Variants in SPATA17 observed in about 807,000 individuals in gnomAD.
The protein encoded by SPATA17 is spermatogenesis-associated protein 17.
In SPATA17, 53 loss-of-function variants were observed where a neutral mutation model predicts 62.2. The observed-to-expected ratio is 0.85, with a 90% CI of 0.68 to 1.07. SPATA17 has a LOEUF of 1.07. Among genes scored for constraint, SPATA17 ranks in the 50% least tolerant of loss-of-function variants. The probability of loss-of-function intolerance (pLI) is 0.00; values close to 1 mark genes in which losing one functional copy is unlikely to be tolerated. For synonymous variants in SPATA17, 146 were observed against 146.8 expected (o/e 0.99, Z 0.04); for missense variants, 466 against 425.5 (o/e 1.10, Z -0.84).
rs913659017 is a variant in SPATA17, at chr1:217,831,497, G to A, written c.1005+29647G>A. Among the ~76,000 whole-genome samples, 12 of 151,974 alleles carry A rather than the reference G, an allele frequency of 7.9e-5. No individual in the cohort carries two copies. In the East Asian group the frequency reaches 2.3e-3, roughly 29 times the overall value. On this transcript the variant is annotated intron_variant, in intron 9 of 10. Coordinates refer to ENST00000366933, the MANE Select transcript of SPATA17 (RefSeq NM_138796.4). ...TCATTTTCTCTATCTCCTTCCTTAG[G>A]AATGCCTCTCCTAACTGCATCTTGC... is the stretch of plus-strand genomic sequence containing the variant.
Position 217,669,025 on chromosome 1 carries a change from A to G in SPATA17, c.241-8A>G, listed in dbSNP as rs768707874. 4.3e-6 allele frequency: 7 copies of G among 1,609,938 alleles called. No homozygotes were observed. The highest frequency in any genetic ancestry group is 5.9e-6 in the Non-Finnish European group (7 of 1,178,294). ...AAATGCATGCCATCTTTTTTTCTTG[A>G]TTCACAGGTAGCATATTATACTATG... On this transcript the variant is annotated splice_region_variant and splice_polypyrimidine_tract_variant and intron_variant, in intron 3 of 10. Transcript: ENST00000366933.
chr1:217,781,505 C>T (rs1673725412), intron 7 of SPATA17, among the ~76,000 whole-genome samples: 1 of 152,122 alleles, frequency 6.6e-6, no homozygotes, highest in Non-Finnish European at 1.5e-5. Context: ...AACTTGAAAG[C>T]AGGATATGTT....
At chr1:217,678,205 C>CTATTTTTTT (rs1670997146) in intron 4 of SPATA17, among the ~76,000 whole-genome samples, 4 of 107,552 alleles carry the variant, frequency 3.7e-5, no homozygotes, top group Non-Finnish European at 3.9e-5. Context: ...CTTTTCTTTT[C>CTATTTTTTT]TTTTTTTTTT....
intron 8 of SPATA17, among the ~76,000 whole-genome samples, chr1:217,791,257 A>C (rs551397102): frequency 6.6e-5 from 10 of 152,328 alleles, no homozygotes; most frequent in Non-Finnish European, 1.3e-4. Flanking sequence ...GGGCACAGTT[A>C]AGCATGATTA....
intron 5 of SPATA17, among the ~76,000 whole-genome samples, chr1:217,733,643 A>G (rs1672446654): frequency 6.6e-6 from 1 of 152,244 alleles, no homozygotes. Flanking sequence ...ATATTTGTGA[A>G]TACCTGCTTG....
intron 5 of SPATA17, among the ~76,000 whole-genome samples, chr1:217,704,805 T>C (rs1671695236): frequency 6.6e-6 from 1 of 152,198 alleles, no homozygotes; most frequent in South Asian, 2.1e-4. Context: ...AGTATACCAC[T>C]GATGGGCATC....
chr1:217,683,273 C>A lies in SPATA17; in HGVS notation c.307C>A (p.Arg103=), dbSNP rs780932192. The change falls in exon 5 of 11, where the codon CGA becomes AGA. Residue 103 remains arginine, a synonymous_variant. Transcript: ENST00000366933. ...AMAVRIQRRW[R]GYRVRKYLFN... is the part of the protein sequence containing the mutation. ...ACTTTAATAGATTCAGAGACGATGG[C>A]GAGGCTATAGGGTTCGGAAGTACCT... 3 of 1,601,602 alleles carry A rather than the reference C, an allele frequency of 1.9e-6. No individual in the cohort carries two copies. The highest frequency in any genetic ancestry group is 1.1e-5 in the South Asian group (1 of 89,014).
intron 8 of SPATA17, among the ~76,000 whole-genome samples, chr1:217,790,046 A>C (rs1024228164): frequency 6.6e-6 from 1 of 152,210 alleles, no homozygotes; most frequent in Non-Finnish European, 1.5e-5. Flanking sequence ...TCAAAATTTA[A>C]AAAAGTAAAA....
chr1:217,801,741 A>G lies in SPATA17; in HGVS notation c.896A>G (p.His299Arg), dbSNP rs549452959. ...AGGTTTTTGCCATTTTCTTCATACC[A>G]TAAAAATGAAAAGTACATCCCATCA... ...DNMFLPFSSY[H>R]KNEKYIPSMH... The change falls in exon 9 of 11, where the codon CAT becomes CGT. Residue 299 changes from histidine (H) to arginine (R), a missense_variant. Transcript: ENST00000366933. 3.1e-6 allele frequency: 5 copies of G among 1,606,004 alleles called. No individual in the cohort carries two copies. In the East Asian group the frequency reaches 9.0e-5, roughly 29 times the overall value.
intron 1 of SPATA17, among the ~76,000 whole-genome samples, chr1:217,642,010 T>A (rs1452466649): frequency 2.0e-5 from 3 of 152,196 alleles, no homozygotes; most frequent in Non-Finnish European, 4.4e-5. Context: ...AGTAATTTTT[T>A]AGAATTTCCC....
At chr1:217,723,430 C>T (rs1672186083) in intron 5 of SPATA17, among the ~76,000 whole-genome samples, 1 of 152,158 alleles carries the variant, frequency 6.6e-6, no homozygotes, top group Non-Finnish European at 1.5e-5. Context: ...TCCTAACCCC[C>T]AATCATCCCA....
intron 7 of SPATA17, among the ~76,000 whole-genome samples, chr1:217,780,442 C>CT (rs1193700795): frequency 1.3e-5 from 2 of 152,152 alleles, no homozygotes; most frequent in Non-Finnish European, 2.9e-5. Context: ...ACTGAGTTTA[C>CT]TTTCATTCTA....
At chr1:217,860,614 T>C (rs1174861419) in intron 9 of SPATA17, among the ~76,000 whole-genome samples, 2 of 152,306 alleles carry the variant, frequency 1.3e-5, no homozygotes, top group South Asian at 2.1e-4. Flanking sequence ...TTCCTAATAA[T>C]TTTCCTTATT....
intron 5 of SPATA17, among the ~76,000 whole-genome samples, chr1:217,699,137 G>A (rs1671532911): frequency 2.0e-5 from 3 of 152,104 alleles, no homozygotes; most frequent in Non-Finnish European, 4.4e-5. Context: ...TTCTATTTTG[G>A]AGCTTTTATG....
At chr1:217,779,814 T>C (rs1673691897) in intron 7 of SPATA17, among the ~76,000 whole-genome samples, 1 of 152,116 alleles carries the variant, frequency 6.6e-6, no homozygotes, top group Non-Finnish European at 1.5e-5. Context: ...GCCAGGTGAA[T>C]TTTTTAAACA....
chr1:217,743,896 A>C (rs575101678), intron 6 of SPATA17, among the ~76,000 whole-genome samples: 1 of 152,212 alleles, frequency 6.6e-6, no homozygotes, highest in East Asian at 1.9e-4. Flanking sequence ...GGTGTGAGCC[A>C]CCATGCCTGG....
At chr1:217,841,299 CAT>C (rs1163843829) in intron 9 of SPATA17, among the ~76,000 whole-genome samples, 2 of 151,980 alleles carry the variant, frequency 1.3e-5, no homozygotes, top group Non-Finnish European at 2.9e-5. Context: ...GGGATGAAAA[CAT>C]AGTAATAAAT....
intron 9 of SPATA17, among the ~76,000 whole-genome samples, chr1:217,803,876 G>A (rs71647132): frequency 0.28 from 43,246 of 151,946 alleles, 7,822 homozygotes; most frequent in Non-Finnish European, 0.39. Context: ...AAGGTAGCCG[G>A]GTGTGGTGGT....
chr1:217,727,922 C>CATGTA (rs1672306410), intron 5 of SPATA17, among the ~76,000 whole-genome samples: 1 of 152,142 alleles, frequency 6.6e-6, no homozygotes, highest in Admixed American at 6.5e-5. Flanking sequence ...AATGTTAATA[C>CATGTA]ATGTAGTTAC....
Sources: allele counts gnomAD v4.1 joint callset (sites outside exome capture counted in the v4.1 genomes callset), GRCh38; gene constraint gnomAD v4.1.1; transcripts MANE v1.5; gene names NCBI Gene and HGNC (gene_info 2026-07-23, HGNC 2026-07-21).